UNC80: variants seen among roughly 807,000 people sequenced by gnomAD.
UNC80 encodes the protein unc-80 subunit of NALCN channel complex.
A neutral mutation model predicts 384.6 loss-of-function variants in UNC80; 164 were observed. The ratio of observed to expected loss-of-function variants is 0.43; its 90% confidence interval spans 0.38 to 0.49. UNC80 has a LOEUF of 0.49. Among genes scored for constraint, UNC80 ranks in the 20% least tolerant of loss-of-function variants. UNC80 has a pLI of 0.00. For synonymous variants in UNC80, 1,486 were observed against 1,527.8 expected (o/e 0.97, Z 0.64); for missense variants, 3,330 against 4,143.0 (o/e 0.80, Z 5.39).
intron 18 of UNC80, among the ~76,000 whole-genome samples, chr2:209,837,402 G>A (rs1159318067): frequency 2.0e-5 from 3 of 152,150 alleles, no homozygotes; most frequent in African/African-American, 7.2e-5. Context: ...GTTTAAAAAT[G>A]GAAATACCAC....
chr2:209,951,850 C>CTCCTTAAAG (rs1455288254), intron 47 of UNC80, among the ~76,000 whole-genome samples: 5 of 152,040 alleles, frequency 3.3e-5, no homozygotes, highest in African/African-American at 4.8e-5. Flanking sequence ...CCTCCTTAAC[C>CTCCTTAAAG]ACATGCTCTA....
chr2:209,995,861 T>C lies in UNC80; in HGVS notation c.*266T>C, dbSNP rs1457174319. 2 of 394,620 alleles carry C rather than the reference T, an allele frequency of 5.1e-6. No individual in the cohort carries two copies. Among genetic ancestry groups the C allele is most frequent in the Non-Finnish European group, 9.3e-6 (2 of 215,030 alleles). The allele number at this position is 394,620 out of a possible 1,614,324, so 24.4% of individuals were successfully genotyped here. A position where few individuals can be genotyped will look rare whatever the true frequency, so the allele number is the denominator to read the frequency against. The stretch of plus-strand genomic sequence containing the variant: ...AAGAGCCATTTCACTGCACATTGTT[T>C]ATGATTCAAGAAGCCTTCAGCAGTT... On this transcript the variant is annotated 3_prime_UTR_variant, in exon 65 of 65. Transcript: ENST00000673920.
rs141216729 is a variant in UNC80, at chr2:209,800,491, T to TA, written c.938+6645dup. On this transcript the variant is annotated intron_variant, in intron 7 of 64. Transcript: ENST00000673920. ...CTAGTGGTCTATTTGTTTTGTTATT[T>TA]AAAAAAAAAAAAACAGCTCCTGGAT... Among the ~76,000 whole-genome samples, 170 of 145,228 alleles carry TA rather than the reference T, an allele frequency of 1.2e-3. 1 individual carries two copies. The highest frequency in any genetic ancestry group is 4.2e-3 in the African/African-American group (166 of 39,724).
At chr2:209,800,852 T>G (rs899616637) in intron 7 of UNC80, among the ~76,000 whole-genome samples, 8 of 152,218 alleles carry the variant, frequency 5.3e-5, no homozygotes, top group African/African-American at 1.9e-4. Flanking sequence ...TCAATTTTCA[T>G]GAAATCATGT....
chr2:209,930,159 T>A (rs892189296), intron 37 of UNC80, among the ~76,000 whole-genome samples, 188 bp downstream of exon 37: 1 of 152,106 alleles, frequency 6.6e-6, no homozygotes, highest in Non-Finnish European at 1.5e-5. Flanking sequence ...TCTCCATTAA[T>A]TCATGTTTCT....
At chr2:209,944,537 T>C (rs16843954) in intron 45 of UNC80, among the ~76,000 whole-genome samples, 15,681 of 152,120 alleles carry the variant, frequency 0.1, 2,002 homozygotes, top group African/African-American at 0.3. Context: ...AGCCTGGTGC[T>C]TGGCACAGAA....
At chr2:209,853,662 TAAAC>T (rs1175499079) in intron 22 of UNC80, among the ~76,000 whole-genome samples, 1 of 151,994 alleles carries the variant, frequency 6.6e-6, no homozygotes, top group Non-Finnish European at 1.5e-5. Context: ...AAAGAAAAAT[TAAAC>T]AGTTCAAGCA....
intron 5 of UNC80, among the ~76,000 whole-genome samples, chr2:209,786,396 T>C (rs1234070483): frequency 6.6e-6 from 1 of 152,178 alleles, no homozygotes; most frequent in African/African-American, 2.4e-5. Flanking sequence ...CATTTAGACT[T>C]CCTGTGCCTC....
Position 209,777,490 on chromosome 2 carries a change from C to T in UNC80, c.531C>T (p.Ile177=). ...AAGAAGAGAACAACCGAAGAAAGAT[C>T]TTCCAGAACTCCATGGCTACTGTGG... ...NDEEENNRRK[I]FQNSMATVEL... is the part of the protein sequence containing the mutation. Residue 177 remains isoleucine, a synonymous_variant, in exon 4 of 65, where the codon ATC becomes ATT. Transcript: ENST00000673920. 1 of 1,614,192 alleles carries T rather than the reference C, an allele frequency of 6.2e-7. No individual in the cohort carries two copies. Among genetic ancestry groups the T allele is most frequent in the Non-Finnish European group, 8.5e-7 (1 of 1,180,024 alleles).
intron 43 of UNC80, among the ~76,000 whole-genome samples, chr2:209,940,170 G>A (rs76834982): frequency 0.1 from 15,155 of 151,976 alleles, 1,853 homozygotes; most frequent in African/African-American, 0.29. Flanking sequence ...AACAAAGACC[G>A]GGTATTTGTG....
In UNC80 at chr2:209,977,042, C is replaced by T. The variant is rs1196948853; in HGVS notation, c.8902C>T (p.Leu2968=). ...GCTCATTGCTGAGTTCAACAGTGAA[C>T]TAAAAATTCTAAAAGAGGCAGTTCA... ...SSLIAEFNSE[L]KILKEAVHSG... The change falls in exon 58 of 65, where the codon CTA becomes TTA. Residue 2968 remains leucine, a synonymous_variant. Transcript: ENST00000673920. The T allele has an allele frequency of 6.6e-7, 1 of 1,522,112 alleles. No homozygotes were observed. The highest frequency in any genetic ancestry group is 1.4e-5 in the African/African-American group (1 of 72,582). 94.3% of individuals were successfully genotyped at this position (1,522,112 alleles called of 1,614,324 possible).
Position 209,817,840 on chromosome 2 carries a change from T to C in UNC80, c.1581T>C (p.Asp527=). The stretch of plus-strand genomic sequence containing the variant: ...AATTGACCCGGCGAGGCAGTTCAGA[T>C]GCAGCCACTGAGATGGAGAGTCTGA... ...LGKLTRRGSS[D]AATEMESLSA... Residue 527 remains aspartate (D), a synonymous_variant, in exon 11 of 65, where the codon GAT becomes GAC. Coordinates refer to ENST00000673920, the MANE Select transcript of UNC80 (RefSeq NM_001371986.1). The C allele has an allele frequency of 6.4e-7, 1 of 1,551,652 alleles. No homozygotes were observed. Among genetic ancestry groups the C allele is most frequent in the East Asian group, 2.4e-5 (1 of 40,908 alleles).
At chr2:209,932,561 C>T (rs143009268) in intron 38 of UNC80, among the ~76,000 whole-genome samples, 35 of 152,294 alleles carry the variant, frequency 2.3e-4, no homozygotes, top group African/African-American at 8.2e-4. Flanking sequence ...CAGACCATTG[C>T]TCTCCTCCAT....
rs139844366 is a variant in UNC80 at position 209,847,053 on chromosome 2, T to C, written c.3455-2398T>C. Among the ~76,000 whole-genome samples the C allele has an allele frequency of 3.4e-3, 521 of 152,202 alleles. 3 individuals carry two copies. The highest frequency in any genetic ancestry group is 0.017 in the Middle Eastern group (5 of 292). On this transcript the variant is annotated intron_variant, in intron 21 of 64. Transcript: ENST00000673920. ...GTATTTTAGAGATTACATTGTGGCATTGTGGTAAGAGTGCAGGTTTGTGCA... is the reference window on the plus strand; with the variant it reads ...GTATTTTAGAGATTACATTGTGGCACTGTGGTAAGAGTGCAGGTTTGTGCA...
chr2:209,885,562 G>T (rs2085713228), intron 25 of UNC80, among the ~76,000 whole-genome samples: 1 of 151,986 alleles, frequency 6.6e-6, no homozygotes, highest in Admixed American at 6.6e-5. Context: ...GGTAGATTAG[G>T]TTATTTTTTT....
At chr2:209,816,734 C>T (rs978435842) in intron 9 of UNC80, among the ~76,000 whole-genome samples, 175 bp from the exon 10 acceptor site, 5 of 152,192 alleles carry the variant, frequency 3.3e-5, no homozygotes, top group African/African-American at 1.2e-4. Flanking sequence ...TAGTTTCTTT[C>T]ACTCTTTTAA....
chr2:209,960,046 C>A (rs567675373), intron 51 of UNC80, among the ~76,000 whole-genome samples: 2 of 152,246 alleles, frequency 1.3e-5, no homozygotes, highest in South Asian at 2.1e-4. Flanking sequence ...TGCCCAGATT[C>A]GAATTTTTCA....
At chr2:209,805,791 A>C (rs1006429773) in intron 7 of UNC80, among the ~76,000 whole-genome samples, 1 of 152,190 alleles carries the variant, frequency 6.6e-6, no homozygotes, top group Non-Finnish European at 1.5e-5. Flanking sequence ...TAATCTCTGA[A>C]ATGACATACC....
chr2:209,937,032 G>A, intron 41 of UNC80, 99 bp downstream of exon 41: 1 of 803,520 alleles, frequency 1.2e-6, no homozygotes, highest in Non-Finnish European at 2.0e-6. Context: ...CTGTTTAGAA[G>A]GTAATAGTAT....
Sources: allele counts gnomAD v4.1 joint callset (sites outside exome capture counted in the v4.1 genomes callset), GRCh38; gene constraint gnomAD v4.1.1; transcripts MANE v1.5; gene names NCBI Gene and HGNC (gene_info 2026-07-23, HGNC 2026-07-21).